ERI1: variants seen among roughly 807,000 people sequenced by gnomAD.
ERI1 encodes the protein exoribonuclease 1.
ERI1 carries 39 observed loss-of-function variants against 39.7 expected under a neutral mutation model. The observed-to-expected ratio is 0.98, with a 90% confidence interval of 0.76 to 1.28. The LOEUF (loss-of-function observed/expected upper bound fraction) is 1.28, where lower values mean the gene tolerates loss of function less well. Ranked by LOEUF, ERI1 falls within the 50% of genes most tolerant of loss-of-function variation. The pLI, the probability that ERI1 is intolerant of heterozygous loss-of-function variation, is 0.00. For missense variants in ERI1, 581 were observed against 416.9 expected, an observed-to-expected ratio of 1.39 and a Z score of -3.43; for synonymous variants, 204 against 149.6, an observed-to-expected ratio of 1.36 and a Z score of -2.65.
intron 1 of ERI1, among the ~76,000 whole-genome samples, chr8:9,005,123 C>A (rs531773131): frequency 1.6e-4 from 24 of 152,258 alleles, no homozygotes; most frequent in African/African-American, 5.8e-4. Flanking sequence ...TAAGTAGGTT[C>A]AGATTTCATC....
At chr8:9,038,067 C>A (rs1797907810), downstream of ERI1, among the ~76,000 whole-genome samples, 1 of 152,080 alleles carries the variant, frequency 6.6e-6, no homozygotes, top group South Asian at 2.1e-4. Context: ...TAAAGCTATT[C>A]CTAAGTTCAT....
chr8:9,094,387 G>A (rs188562803), intron 3 of ERI1, among the ~76,000 whole-genome samples: 135 of 152,216 alleles, frequency 8.9e-4, no homozygotes, highest in African/African-American at 2.5e-3. Context: ...TATTTGCCTC[G>A]CAATCCCTCT....
intron 3 of ERI1, among the ~76,000 whole-genome samples, chr8:9,066,863 T>G (rs1798896192): frequency 1.3e-5 from 2 of 152,054 alleles, no homozygotes; most frequent in South Asian, 4.2e-4. Context: ...CTCACTGTTC[T>G]GATGTTCTCA....
At chr8:9,076,533 T>C (rs1434422901) in intron 3 of ERI1, among the ~76,000 whole-genome samples, 1 of 152,206 alleles carries the variant, frequency 6.6e-6, no homozygotes. Flanking sequence ...GTACTCCCAA[T>C]AAAGTTACCC....
chr8:9,005,227 G>A (rs556854483), intron 1 of ERI1, among the ~76,000 whole-genome samples: 13 of 152,106 alleles, frequency 8.5e-5, no homozygotes, highest in African/African-American at 3.1e-4. Context: ...TTTTTTAAAA[G>A]GTAGTACCTA....
intron 3 of ERI1, among the ~76,000 whole-genome samples, chr8:9,083,136 G>C (rs1428438157): frequency 6.6e-6 from 1 of 152,166 alleles, no homozygotes; most frequent in East Asian, 1.9e-4. Context: ...GCCAAACAGA[G>C]CTTTTATCGC....
At chr8:9,086,346 T>A (rs1278359885) in intron 3 of ERI1, among the ~76,000 whole-genome samples, 4 of 152,102 alleles carry the variant, frequency 2.6e-5, no homozygotes, top group Non-Finnish European at 5.9e-5. Flanking sequence ...GCCCAGGAGT[T>A]TGAGACCAGC....
chr8:9,089,163 G>T (rs1485175903), intron 3 of ERI1, among the ~76,000 whole-genome samples: 1 of 152,168 alleles, frequency 6.6e-6, no homozygotes, highest in African/African-American at 2.4e-5. Flanking sequence ...TCTTCACTGA[G>T]TTTCTCTCAC....
rs533619789 is a variant in ERI1, at chr8:9,005,562, T to C, written c.108+2391T>C. On this transcript the variant is annotated intron_variant, in intron 1 of 6. Transcript: ENST00000250263. The stretch of plus-strand genomic sequence containing the variant: ...GGGAGTCTCTCTCTGTTGCCCAGGC[T>C]GGAGTGCAGCGGCTCAGTCTCGGCT... 1.9e-4 allele frequency among the ~76,000 whole-genome samples: 29 copies of C among 150,554 alleles called. No individual in the cohort carries two copies. The South Asian group carries it at 6.0e-3, about 31-fold the overall frequency.
At chr8:9,092,042 C>T (rs541268025) in intron 3 of ERI1, among the ~76,000 whole-genome samples, 453 of 152,226 alleles carry the variant, frequency 3.0e-3, no homozygotes, top group African/African-American at 0.01. Context: ...CTGCAACCTC[C>T]GCCTCCTGGG....
intron 5 of ERI1, 27 bp downstream of exon 5, chr8:9,018,433 T>C (rs1426534058): frequency 7.0e-6 from 9 of 1,284,898 alleles, no homozygotes; most frequent in Non-Finnish European, 8.9e-6. Flanking sequence ...ATTATTTTTT[T>C]ATATCTACTT....
chr8:9,025,700 T>G (rs573262100), intron 6 of ERI1, among the ~76,000 whole-genome samples: 1,783 of 81,596 alleles, frequency 0.022, 17 homozygotes, highest in Non-Finnish European at 0.031. Context: ...AATCTTTTTT[T>G]TTTGTGTGTG....
At chr8:9,045,226 ACT>A (rs1455270315) in intron 3 of ERI1, among the ~76,000 whole-genome samples, 44 of 106,232 alleles carry the variant, frequency 4.1e-4, no homozygotes, top group African/African-American at 1.5e-3. Context: ...ACAGAGTGAG[ACT>A]CTGTCTCAAA....
Position 9,003,185 on chromosome 8 carries a change from C to T in ERI1, c.108+14C>T. On this transcript the variant is annotated intron_variant, in intron 1 of 6. Coordinates refer to ENST00000250263, the MANE Select transcript of ERI1 (RefSeq NM_153332.4). ...CCCAGTCCCGAGGTGAGGAGTCGAC[C>T]CGCGCCTGGCTGTTGGCGCCAGCTG... The T allele has an allele frequency of 8.1e-7, 1 of 1,236,842 alleles. No individual in the cohort carries two copies. The highest frequency in any genetic ancestry group is 1.0e-6 in the Non-Finnish European group (1 of 988,098). 76.6% of individuals were successfully genotyped at this position (1,236,842 alleles called of 1,614,324 possible). A position where few individuals can be genotyped will look rare whatever the true frequency, so the allele number is the denominator to read the frequency against.
At chr8:9,099,089 C>T (rs1432245494) in intron 3 of ERI1, among the ~76,000 whole-genome samples, 4 of 152,092 alleles carry the variant, frequency 2.6e-5, no homozygotes, top group African/African-American at 7.2e-5. Context: ...CCTGCCTCAG[C>T]CTCTCAAAGT....
At chr8:9,045,452 T>C (rs1024086104) in intron 3 of ERI1, among the ~76,000 whole-genome samples, 1 of 151,834 alleles carries the variant, frequency 6.6e-6, no homozygotes, top group African/African-American at 2.4e-5. Context: ...CATTAGACTT[T>C]AGTAGAAACA....
chr8:9,069,011 G>A (rs1412075191), intron 3 of ERI1, among the ~76,000 whole-genome samples: 4 of 152,070 alleles, frequency 2.6e-5, no homozygotes, highest in Non-Finnish European at 4.4e-5. Flanking sequence ...AGAGATGAGG[G>A]CCGCGCTGTG....
intron 6 of ERI1, among the ~76,000 whole-genome samples, chr8:9,027,049 C>G (rs1168787400): frequency 6.6e-6 from 1 of 151,954 alleles, no homozygotes; most frequent in Non-Finnish European, 1.5e-5. Context: ...ACATTGTTTC[C>G]CACAGTGGCT....
intron 3 of ERI1, among the ~76,000 whole-genome samples, chr8:9,055,879 G>T (rs1471897429): frequency 1.3e-5 from 2 of 152,132 alleles, no homozygotes; most frequent in African/African-American, 4.8e-5. Flanking sequence ...TGAGGGAAAG[G>T]GGTTCTGGTT....
Sources: allele counts gnomAD v4.1 joint callset (sites outside exome capture counted in the v4.1 genomes callset), GRCh38; gene constraint gnomAD v4.1.1; transcripts MANE v1.5; gene names NCBI Gene and HGNC (gene_info 2026-07-23, HGNC 2026-07-21).